DGKG: variants seen among roughly 807,000 people sequenced by gnomAD.
DGKG encodes the protein diacylglycerol kinase gamma.
DGKG carries 78 observed loss-of-function variants against 105.3 expected under a neutral mutation model. That is an observed-to-expected ratio of 0.74 (90% CI 0.62 to 0.89). The LOEUF is 0.89. Among genes scored for constraint, DGKG ranks in the 40% least tolerant of loss-of-function variants. DGKG has a pLI of 0.00. For synonymous variants in DGKG, 346 were observed against 367.1 expected (o/e 0.94, Z 0.66); for missense variants, 958 against 1,020.1 (o/e 0.94, Z 0.83).
chr3:186,275,452 G>T, intron 10 of DGKG, 95 bp downstream of exon 10: 1 of 1,079,544 alleles, frequency 9.3e-7, no homozygotes, highest in Non-Finnish European at 1.4e-6. Context: ...AAGCTGGGAA[G>T]CAGAAATACC....
chr3:186,357,871 A>C (rs1424201719), intron 1 of DGKG, among the ~76,000 whole-genome samples: 1 of 152,248 alleles, frequency 6.6e-6, no homozygotes, highest in East Asian at 1.9e-4. Context: ...GCATTCTCCA[A>C]TATGATAGCC....
intron 2 of DGKG, among the ~76,000 whole-genome samples, chr3:186,314,305 G>T (rs1724707528): frequency 6.6e-6 from 1 of 151,912 alleles, no homozygotes. Flanking sequence ...AAATGAGTTT[G>T]TACTAGAATT....
intron 1 of DGKG, among the ~76,000 whole-genome samples, chr3:186,321,329 G>A (rs1361315022): frequency 6.6e-6 from 1 of 152,184 alleles, no homozygotes; most frequent in Non-Finnish European, 1.5e-5. Context: ...GATGTAATGA[G>A]TCACAACAAG....
intron 23 of DGKG, among the ~76,000 whole-genome samples, chr3:186,164,660 C>T (rs976149578): frequency 3.3e-5 from 5 of 152,190 alleles, no homozygotes; most frequent in African/African-American, 1.2e-4. Flanking sequence ...GAGAACTTCA[C>T]CAGCTCAGTT....
rs771566067 is a variant in DGKG at position 186,267,751 on chromosome 3, C to T, written c.1143G>A (p.Thr381=). 4.8e-5 allele frequency: 77 copies of T among 1,613,776 alleles called. No individual in the cohort carries two copies. The highest frequency in any genetic ancestry group is 8.3e-5 in the Admixed American group (5 of 59,990). Residue 381 remains threonine (T), a synonymous_variant, in exon 13 of 25, where the codon ACG becomes ACA. Transcript: ENST00000265022. ...CTCTGAGTTCCCCACCGTCACACAA[C>T]GTTGATAATTCACATTTGCGGTGAA... ...MTFHRKCELS[T]LCDGGELRDH... is the part of the protein sequence containing the mutation.
intron 22 of DGKG, 116 bp downstream of exon 22, chr3:186,188,086 C>T (rs988123931): frequency 9.9e-6 from 12 of 1,212,608 alleles, no homozygotes; most frequent in African/African-American, 9.1e-5. Flanking sequence ...TCAGCATATC[C>T]GCAGAGCATG....
intron 1 of DGKG, among the ~76,000 whole-genome samples, chr3:186,341,504 G>A (rs1726084451): frequency 6.6e-6 from 1 of 152,160 alleles, no homozygotes; most frequent in African/African-American, 2.4e-5. Context: ...AAATATAAAA[G>A]AGTTGGGATG....
intron 13 of DGKG, among the ~76,000 whole-genome samples, chr3:186,266,428 T>C (rs772270587): frequency 6.6e-6 from 1 of 152,210 alleles, no homozygotes; most frequent in Non-Finnish European, 1.5e-5. Context: ...TTTTTAACTG[T>C]TATGAATAAA....
At chr3:186,224,726 A>ACCCC (rs1050332553) in intron 20 of DGKG, among the ~76,000 whole-genome samples, 2 of 129,940 alleles carry the variant, frequency 1.5e-5, no homozygotes, top group Non-Finnish European at 3.3e-5. Flanking sequence ...AATGATTGAC[A>ACCCC]CCCCCCCGCC....
intron 22 of DGKG, 87 bp downstream of exon 22, chr3:186,188,115 G>C: frequency 6.9e-7 from 1 of 1,457,570 alleles, no homozygotes; most frequent in Non-Finnish European, 9.5e-7. Flanking sequence ...GCTGGGCTGT[G>C]GGGCCTTACG....
In DGKG at chr3:186,210,044, C is replaced by A. The variant is rs1718955143; in HGVS notation, c.1917+1751G>T. 6.6e-6 allele frequency among the ~76,000 whole-genome samples: 1 copy of A among 152,198 alleles called. No individual in the cohort carries two copies. On this transcript the variant is annotated intron_variant, in intron 21 of 24. Coordinates refer to ENST00000265022, the MANE Select transcript of DGKG (RefSeq NM_001346.3). The surrounding 1 kb of genome is among the most constrained non-coding windows in gnomAD (Gnocchi z 5.2). The stretch of plus-strand genomic sequence containing the variant: ...CTCCAGAGGCCACCAGTGTCTTTAG[C>A]AACGAGGCCCCCTCTGCGGTTGAGG...
chr3:186,350,109 C>T (rs986689264), intron 1 of DGKG, among the ~76,000 whole-genome samples: 1 of 152,004 alleles, frequency 6.6e-6, no homozygotes, highest in East Asian at 1.9e-4. Flanking sequence ...AGGCTGGTCT[C>T]GAACTCCTGA....
chr3:186,155,558 A>G (rs1226281622), intron 24 of DGKG, among the ~76,000 whole-genome samples: 2 of 152,184 alleles, frequency 1.3e-5, no homozygotes, highest in Non-Finnish European at 2.9e-5. Flanking sequence ...TTTTGCAATG[A>G]TAAGTAATGT....
In DGKG at chr3:186,294,320, A is replaced by G. The variant is rs1022648128; in HGVS notation, c.373+3101T>C. Among the ~76,000 whole-genome samples, 11 of 152,310 alleles carry G rather than the reference A, an allele frequency of 7.2e-5. 1 individual carries two copies. Among genetic ancestry groups the G allele is most frequent in the African/African-American group, 2.4e-4 (10 of 41,580 alleles). Reference sequence around the variant, plus strand: ...TTTGGAACCTCAGTGAATGAATTGTATCTTCTTCTAGGTTCCTCTTGAAGT... The same window carrying G: ...TTTGGAACCTCAGTGAATGAATTGTGTCTTCTTCTAGGTTCCTCTTGAAGT... On this transcript the variant is annotated intron_variant, in intron 5 of 24. Transcript: ENST00000265022.
intron 7 of DGKG, among the ~76,000 whole-genome samples, chr3:186,282,157 C>G (rs1722859315): frequency 6.6e-6 from 1 of 152,118 alleles, no homozygotes; most frequent in Non-Finnish European, 1.5e-5. Flanking sequence ...GAGAGGGATG[C>G]AGGGAAGGAA....
At position 186,203,621 on chromosome 3, in the gene DGKG, A is replaced by C. The variant is rs1366884717; in HGVS notation, c.1917+8174T>G. 2.0e-5 allele frequency among the ~76,000 whole-genome samples: 3 copies of C among 152,142 alleles called. No individual in the cohort carries two copies. Among genetic ancestry groups the C allele is most frequent in the African/African-American group, 7.2e-5 (3 of 41,424 alleles). On this transcript the variant is annotated intron_variant, in intron 21 of 24. Coordinates refer to ENST00000265022, the MANE Select transcript of DGKG (RefSeq NM_001346.3). The surrounding 1 kb of genome is among the most constrained non-coding windows in gnomAD (Gnocchi z 4.9). ...GGTCTCACAGTGAAGGTGATGCTGG[A>C]ATGAGGGAGCTGCTGGACTGGATTG...
At chr3:186,359,114 A>T (rs1449958039) in intron 1 of DGKG, among the ~76,000 whole-genome samples, 1 of 152,136 alleles carries the variant, frequency 6.6e-6, no homozygotes, top group Non-Finnish European at 1.5e-5. Flanking sequence ...TGGTCGTGTG[A>T]GGCCTTGGCC....
chr3:186,320,602 ACAG>A lies in DGKG; in HGVS notation c.-146_-144del. Reference sequence around the variant, plus strand: ...GACTTCTGGGAGCACTCAAGTGTATACAGCAGCAGCAGGCACCTCTCAGAAGAT... The same window carrying A: ...GACTTCTGGGAGCACTCAAGTGTATACAGCAGCAGGCACCTCTCAGAAGAT... On this transcript the variant is annotated 5_prime_UTR_variant, in exon 2 of 25. Coordinates refer to ENST00000265022, the MANE Select transcript of DGKG (RefSeq NM_001346.3). The A allele has an allele frequency of 7.2e-6, 10 of 1,392,120 alleles. No individual in the cohort carries two copies. The highest frequency in any genetic ancestry group is 9.6e-6 in the Non-Finnish European group (10 of 1,036,648). 86.2% of individuals were successfully genotyped at this position (1,392,120 alleles called of 1,614,324 possible).
At chr3:186,241,118 G>A (rs1436190031) in intron 20 of DGKG, among the ~76,000 whole-genome samples, 1 of 152,144 alleles carries the variant, frequency 6.6e-6, no homozygotes, top group Non-Finnish European at 1.5e-5. Context: ...TGAAGCTATA[G>A]TGTTCAGTTT....
Sources: gnomAD v4.1 joint callset for allele counts (sites outside exome capture counted in the v4.1 genomes callset) on GRCh38, gnomAD v4.1.1 for gene constraint, Gnocchi (gnomAD v3.1) non-coding constraint, MANE v1.5 for transcripts, NCBI Gene and HGNC (gene_info 2026-07-23, HGNC 2026-07-21) for gene names.